The following TBPL2 variants were observed in gnomAD, a reference collection of about 807,000 sequenced individuals.
TBPL2 encodes TATA box-binding protein-like 2.
Under a neutral mutation model 38.2 loss-of-function variants are expected in TBPL2, and 40 were observed. That is an observed-to-expected ratio of 1.05 (90% CI 0.81 to 1.36). TBPL2 has a LOEUF of 1.36. Among genes scored for constraint, TBPL2 ranks in the 40% most tolerant of loss-of-function variants. TBPL2 has a pLI of 0.00. For synonymous variants in TBPL2, 169 were observed against 171.7 expected (o/e 0.98, Z 0.12); for missense variants, 461 against 456.7 (o/e 1.01, Z -0.09).
At chr14:55,431,316 A>G (rs1336207298) in intron 4 of TBPL2, among the ~76,000 whole-genome samples, 1 of 152,234 alleles carries the variant, frequency 6.6e-6, no homozygotes, top group African/African-American at 2.4e-5. Flanking sequence ...ATAAATTCAG[A>G]TAAGAAAAGA....
intron 5 of TBPL2, among the ~76,000 whole-genome samples, chr14:55,426,795 C>G (rs1300039502): frequency 1.3e-5 from 2 of 152,126 alleles, no homozygotes. Context: ...GGGATGGGCC[C>G]ACTCCGTCTG....
chr14:55,423,404 A>T (rs1885774803), intron 6 of TBPL2, among the ~76,000 whole-genome samples: 1 of 152,054 alleles, frequency 6.6e-6, no homozygotes, highest in South Asian at 2.1e-4. Flanking sequence ...CTGAGTGTCC[A>T]CACTAATATC....
intron 4 of TBPL2, among the ~76,000 whole-genome samples, chr14:55,433,046 C>T (rs1885957117): frequency 6.6e-6 from 1 of 152,208 alleles, no homozygotes; most frequent in Non-Finnish European, 1.5e-5. Flanking sequence ...AAAAAAAATT[C>T]ACCTTAGAAA....
intron 6 of TBPL2, among the ~76,000 whole-genome samples, chr14:55,417,968 T>C (rs1183220320): frequency 6.6e-6 from 1 of 152,214 alleles, no homozygotes; most frequent in Non-Finnish European, 1.5e-5. Flanking sequence ...GTTTTCTTAC[T>C]TGTAAAATAA....
chr14:55,416,557 T>C (rs1033595622), intron 6 of TBPL2, among the ~76,000 whole-genome samples: 4 of 152,238 alleles, frequency 2.6e-5, no homozygotes, highest in Admixed American at 6.5e-5. Flanking sequence ...AGTGAGTTAC[T>C]GACACACATA....
chr14:55,433,204 T>C (rs111846020), intron 4 of TBPL2, among the ~76,000 whole-genome samples: 31 of 152,198 alleles, frequency 2.0e-4, no homozygotes, highest in African/African-American at 6.5e-4. Context: ...TCATAGCTCA[T>C]TGCAGCCTCA....
At chr14:55,435,278 ATT>A (rs34700693) in intron 3 of TBPL2, among the ~76,000 whole-genome samples, 19 of 143,880 alleles carry the variant, frequency 1.3e-4, no homozygotes, top group East Asian at 2.0e-4. Flanking sequence ...GTCAGGTGAA[ATT>A]TTTTTTTTTT....
chr14:55,418,187 C>T (rs377169448), intron 6 of TBPL2, among the ~76,000 whole-genome samples: 4 of 152,314 alleles, frequency 2.6e-5, no homozygotes, highest in East Asian at 1.9e-4. Context: ...TGTCTGTCTC[C>T]CTCAGCAGGG....
intron 6 of TBPL2, among the ~76,000 whole-genome samples, chr14:55,420,495 G>A (rs923860668): frequency 6.6e-6 from 1 of 151,548 alleles, no homozygotes; most frequent in African/African-American, 2.4e-5. Context: ...AGCATGAACA[G>A]GTAAAACGCC....
At chr14:55,440,471 G>A (rs778193900) in exon 1 of TBPL2, 61 of 1,611,856 alleles carry the variant, frequency 3.8e-5, no homozygotes, top group Non-Finnish European at 5.2e-5. Flanking sequence ...CCACTGTTGG[G>A]GGTGGGGGCG....
intron 1 of TBPL2, 76 bp from the exon 2 acceptor site, chr14:55,437,094 G>A (rs1280962178): frequency 4.1e-6 from 5 of 1,223,378 alleles, no homozygotes; most frequent in Non-Finnish European, 5.9e-6. Flanking sequence ...ATGTCACTAT[G>A]GCAGGCAGGC....
chr14:55,437,388 G>A (rs1162432266), intron 1 of TBPL2, among the ~76,000 whole-genome samples: 2 of 152,380 alleles, frequency 1.3e-5, no homozygotes. Flanking sequence ...TGAGGCATGA[G>A]AATCTCTTGA....
intron 6 of TBPL2, among the ~76,000 whole-genome samples, chr14:55,421,468 T>G (rs1885743804): frequency 6.6e-6 from 1 of 152,188 alleles, no homozygotes; most frequent in Non-Finnish European, 1.5e-5. Flanking sequence ...CACTTTGTTT[T>G]TAATTTTTTA....
At chr14:55,432,748 T>C (rs1246047329) in intron 4 of TBPL2, among the ~76,000 whole-genome samples, 1 of 152,178 alleles carries the variant, frequency 6.6e-6, no homozygotes, top group Non-Finnish European at 1.5e-5. Flanking sequence ...TTGGCACAAC[T>C]TTTCAGGAGG....
chr14:55,439,527 C>T (rs1383104359), intron 1 of TBPL2, among the ~76,000 whole-genome samples: 8 of 150,612 alleles, frequency 5.3e-5, no homozygotes, highest in African/African-American at 1.7e-4. Flanking sequence ...TGGTGGCTCA[C>T]GCCTGAAATC....
chr14:55,433,801 A>C, intron 3 of TBPL2, 80 bp from the exon 4 acceptor site: 2 of 1,291,006 alleles, frequency 1.5e-6, no homozygotes, highest in Admixed American at 4.0e-5. Context: ...GCTGAATATG[A>C]AAATCTCAAA....
chr14:55,422,340 G>A (rs1167587206), intron 6 of TBPL2, among the ~76,000 whole-genome samples: 1 of 152,056 alleles, frequency 6.6e-6, no homozygotes, highest in Non-Finnish European at 1.5e-5. Flanking sequence ...CCACCTCCTA[G>A]GTTCAAGCGA....
At chr14:55,440,472 G>T (rs749672301) in exon 1 of TBPL2, 1 of 1,611,804 alleles carries the variant, frequency 6.2e-7, no homozygotes, top group Non-Finnish European at 8.5e-7. Flanking sequence ...CACTGTTGGG[G>T]GTGGGGGCGG....
At chr14:55,419,856 T>G (rs1489200896) in intron 6 of TBPL2, among the ~76,000 whole-genome samples, 1 of 152,216 alleles carries the variant, frequency 6.6e-6, no homozygotes, top group African/African-American at 2.4e-5. Flanking sequence ...CAAAGTTCAT[T>G]TGTAATTGCA....
Sources: allele counts gnomAD v4.1 joint callset (sites outside exome capture counted in the v4.1 genomes callset), GRCh38; gene constraint gnomAD v4.1.1; transcripts MANE v1.5; gene names NCBI Gene and HGNC (gene_info 2026-07-23, HGNC 2026-07-21).